SOCS7: variants seen among roughly 807,000 people sequenced by gnomAD.
SOCS7 encodes NAP-4.
Under a neutral mutation model 58.9 loss-of-function variants are expected in SOCS7, and 18 were observed. The ratio of observed to expected loss-of-function variants is 0.31; its 90% CI spans 0.21 to 0.45. The LOEUF (loss-of-function observed/expected upper bound fraction) is 0.45. Ranked by LOEUF, SOCS7 falls within the 20% of genes least tolerant of loss-of-function variation. The pLI is 1.00. For missense variants in SOCS7, 667 were observed against 837.3 expected (o/e 0.80, Z 2.51); for synonymous variants, 388 against 364.3 (o/e 1.06, Z -0.74).
chr17:38,383,823 G>A (rs1470408782), intron 7 of SOCS7, among the ~76,000 whole-genome samples: 1 of 151,892 alleles, frequency 6.6e-6, no homozygotes, highest in African/African-American at 2.4e-5. Flanking sequence ...GGATTACAGG[G>A]GTGAGCCACC....
rs1174159675 is a variant in SOCS7 at position 38,400,535 on chromosome 17, T to C, written c.*1053T>C. 3.3e-5 allele frequency: 5 copies of C among 152,222 alleles called. No homozygotes were observed. The highest frequency in any genetic ancestry group is 3.3e-4 in the Admixed American group (5 of 15,274). The allele number at this position is 152,222 out of a possible 1,614,324, so 9.4% of individuals were successfully genotyped here. On this transcript the variant is annotated 3_prime_UTR_variant, in exon 10 of 10. Coordinates refer to ENST00000612932, the MANE Select transcript of SOCS7 (RefSeq NM_014598.4). The stretch of plus-strand genomic sequence containing the variant: ...AGAAATACAGCTCCCACAGTTGTGC[T>C]CTTCCTAGAGGAAGCTCTCAGAACG...
chr17:38,399,259 A>T (rs1340703232), intron 9 of SOCS7, among the ~76,000 whole-genome samples: 1 of 152,096 alleles, frequency 6.6e-6, no homozygotes, highest in Non-Finnish European at 1.5e-5. Context: ...GAATTTATGC[A>T]ATGTGGTAGG....
chr17:38,387,487 A>T (rs1431887010), intron 7 of SOCS7, among the ~76,000 whole-genome samples: 1 of 143,810 alleles, frequency 7.0e-6, no homozygotes, highest in East Asian at 2.0e-4. Flanking sequence ...GTATATATAT[A>T]CACAATACAT....
Position 38,402,192 on chromosome 17 carries a change from T to C in SOCS7, c.*2710T>C. 6.5e-6 allele frequency: 1 copy of C among 152,710 alleles called. No individual in the cohort carries two copies. Among genetic ancestry groups the C allele is most frequent in the Non-Finnish European group, 1.5e-5 (1 of 68,322 alleles). The allele number at this position is 152,710 out of a possible 1,614,324, so 9.5% of individuals were successfully genotyped here. A position where few individuals can be genotyped will look rare whatever the true frequency, so the allele number is the denominator to read the frequency against. On this transcript the variant is annotated 3_prime_UTR_variant, in exon 10 of 10. Coordinates refer to ENST00000612932, the MANE Select transcript of SOCS7 (RefSeq NM_014598.4). ...CTAGTCCTTTCTCTGTGGAGTGGGC[T>C]GCAAAACAGCAGCGCAAGAGGAGAC...
At chr17:38,385,460 T>A (rs1018804082) in intron 7 of SOCS7, among the ~76,000 whole-genome samples, 16 of 150,426 alleles carry the variant, frequency 1.1e-4, no homozygotes, top group Middle Eastern at 3.4e-3. Flanking sequence ...TTTTTTTTTT[T>A]AAATAGAAAA....
intron 9 of SOCS7, among the ~76,000 whole-genome samples, chr17:38,399,151 T>C (rs1010438447): frequency 6.7e-5 from 10 of 150,072 alleles, no homozygotes; most frequent in Non-Finnish European, 5.9e-5. Flanking sequence ...TCAAAAGGGG[T>C]TACTCCAGGG....
chr17:38,355,449 C>T (rs1428620400), intron 1 of SOCS7, among the ~76,000 whole-genome samples: 3 of 152,172 alleles, frequency 2.0e-5, no homozygotes, highest in Non-Finnish European at 2.9e-5. Context: ...AGCCTCGCAG[C>T]TGTGAGAAAC....
At chr17:38,387,713 T>G (rs1304040636) in intron 7 of SOCS7, among the ~76,000 whole-genome samples, 2 of 126,316 alleles carry the variant, frequency 1.6e-5, no homozygotes, top group Non-Finnish European at 3.3e-5. Context: ...ACATATTATA[T>G]ATATACTATA....
chr17:38,393,505 C>T (rs375081477), intron 7 of SOCS7, among the ~76,000 whole-genome samples: 9 of 151,872 alleles, frequency 5.9e-5, no homozygotes, highest in Non-Finnish European at 1.0e-4. Context: ...GGTGTGGTGG[C>T]GGGCGCCTGT....
At chr17:38,392,706 C>G (rs1320321041) in intron 7 of SOCS7, among the ~76,000 whole-genome samples, 1 of 152,148 alleles carries the variant, frequency 6.6e-6, no homozygotes, top group Non-Finnish European at 1.5e-5. Context: ...AGGGAGGGGA[C>G]TAGGAGAGGC....
At chr17:38,374,170 A>G (rs1412028407) in intron 6 of SOCS7, among the ~76,000 whole-genome samples, 2 of 152,204 alleles carry the variant, frequency 1.3e-5, no homozygotes, top group African/African-American at 4.8e-5. Context: ...CAGTGAGCCA[A>G]GATTGCTTCG....
Position 38,404,984 on chromosome 17 carries a change from T to A in SOCS7, c.*5502T>A, listed in dbSNP as rs2038372615. The A allele has an allele frequency of 6.6e-6, 1 of 152,120 alleles. No homozygotes were observed. Among genetic ancestry groups the A allele is most frequent in the Non-Finnish European group, 1.5e-5 (1 of 68,020 alleles). The allele number at this position is 152,120 out of a possible 1,614,324, so 9.4% of individuals were successfully genotyped here. ...ATTCTGGGCTCGGGGTGGTTGCCAATTTTTCACCAGAAAGGGAGCCACCCC... is the reference window on the plus strand; with the variant it reads ...ATTCTGGGCTCGGGGTGGTTGCCAAATTTTCACCAGAAAGGGAGCCACCCC... On this transcript the variant is annotated 3_prime_UTR_variant, in exon 10 of 10. Transcript: ENST00000612932.
At chr17:38,393,469 T>A (rs1305370025) in intron 7 of SOCS7, among the ~76,000 whole-genome samples, 1 of 151,970 alleles carries the variant, frequency 6.6e-6, no homozygotes, top group Non-Finnish European at 1.5e-5. Flanking sequence ...AAACCCCGTC[T>A]CTACTAAAAA....
In SOCS7 at chr17:38,365,211, G is replaced by C. The variant is rs587638615; in HGVS notation, c.1151-97G>C. On this transcript the variant is annotated intron_variant, in intron 3 of 9. Coordinates refer to ENST00000612932, the MANE Select transcript of SOCS7 (RefSeq NM_014598.4). ...GTGAAGGTTGGGCCATCCTGCCCCA[G>C]AGGGCAGCCTGATAGTCCTTCTCCC... The C allele has an allele frequency of 5.7e-6, 5 of 869,658 alleles. 1 individual carries two copies. The South Asian group carries it at 6.9e-5, about 12-fold the overall frequency. The allele number at this position is 869,658 out of a possible 1,614,324, so 53.9% of individuals were successfully genotyped here.
At chr17:38,387,133 G>GTA (rs1191192504) in intron 7 of SOCS7, among the ~76,000 whole-genome samples, 4,402 of 73,336 alleles carry the variant, frequency 0.06, 225 homozygotes, top group Non-Finnish European at 0.08. Context: ...ATATATGTAT[G>GTA]TATATATATA....
rs923686840 is a variant in SOCS7, at chr17:38,369,158, G to T, written c.1552+1108G>T. ...TTGAAAAAGCATAGAGAACTTTGGT[G>T]TGTTTCAGGGACTTGCTTCCCATCC... On this transcript the variant is annotated intron_variant, in intron 6 of 9. Transcript: ENST00000612932. Among the ~76,000 whole-genome samples, 4 of 152,176 alleles carry T rather than the reference G, an allele frequency of 2.6e-5. No individual in the cohort carries two copies. The East Asian group carries it at 7.7e-4, about 29-fold the overall frequency.
intron 7 of SOCS7, among the ~76,000 whole-genome samples, chr17:38,386,830 A>C (rs1300715932): frequency 6.6e-6 from 1 of 151,808 alleles, no homozygotes; most frequent in Non-Finnish European, 1.5e-5. Context: ...TCATGCCTGT[A>C]ATCCCAGCAC....
intron 7 of SOCS7, among the ~76,000 whole-genome samples, chr17:38,383,790 C>A (rs188030610): frequency 1.3e-5 from 2 of 152,066 alleles, no homozygotes; most frequent in Admixed American, 1.3e-4. Context: ...GTGATCCACC[C>A]GCCTCGGCCT....
At chr17:38,389,892 T>TATGTAC (rs1555571088) in intron 7 of SOCS7, among the ~76,000 whole-genome samples, 2 of 93,320 alleles carry the variant, frequency 2.1e-5, no homozygotes, top group Non-Finnish European at 3.8e-5. Context: ...TGTACATATA[T>TATGTAC]ATATATACAC....
Sources: gnomAD v4.1 joint callset for allele counts (sites outside exome capture counted in the v4.1 genomes callset) on GRCh38, gnomAD v4.1.1 for gene constraint, MANE v1.5 for transcripts, NCBI Gene and HGNC (gene_info 2026-07-23, HGNC 2026-07-21) for gene names.